Variants in CDH23 observed in about 807,000 individuals in gnomAD.
CDH23 encodes cadherin-23.
Under a neutral mutation model 317.1 loss-of-function variants are expected in CDH23, and 189 were observed. The ratio of observed to expected loss-of-function variants is 0.60; its 90% CI spans 0.53 to 0.67. The LOEUF (loss-of-function observed/expected upper bound fraction) is 0.67, where lower values mean the gene tolerates loss of function less well. Ranked by LOEUF, CDH23 falls within the 30% of genes least tolerant of loss-of-function variation. The pLI is 0.00. For missense variants in CDH23, 4,401 were observed against 4,592.4 expected, an observed-to-expected ratio of 0.96 and a Z score of 1.20; for synonymous variants, 1,839 against 1,876.8, an observed-to-expected ratio of 0.98 and a Z score of 0.52.
At chr10:71,533,164 C>T (rs1381755152) in intron 6 of CDH23, among the ~76,000 whole-genome samples, 3 of 151,980 alleles carry the variant, frequency 2.0e-5, no homozygotes, top group Non-Finnish European at 4.4e-5. Flanking sequence ...CTGCCTGCCC[C>T]GAAGGCGGCT....
intron 18 of CDH23, among the ~76,000 whole-genome samples, chr10:71,684,119 A>AC (rs370808016): frequency 1.3e-5 from 2 of 148,960 alleles, no homozygotes; most frequent in Non-Finnish European, 3.0e-5. Context: ...ACAAAAAAAA[A>AC]CGGCCTGACT....
chr10:71,743,337 C>G (rs984546690), intron 38 of CDH23, among the ~76,000 whole-genome samples: 4 of 152,182 alleles, frequency 2.6e-5, no homozygotes, highest in African/African-American at 9.7e-5. Context: ...GACCTCTCCC[C>G]TTTGACAGCA....
At chr10:71,412,504 T>G (rs932258293) in intron 1 of CDH23, among the ~76,000 whole-genome samples, 2 of 152,190 alleles carry the variant, frequency 1.3e-5, no homozygotes, top group Non-Finnish European at 2.9e-5. Context: ...ATGGTTGTCT[T>G]GCTGTGTTGA....
chr10:71,444,098 C>T (rs1034146869), intron 2 of CDH23, among the ~76,000 whole-genome samples: 19 of 152,264 alleles, frequency 1.2e-4, no homozygotes, highest in Non-Finnish European at 5.9e-5. Context: ...GGGCTGCGTC[C>T]TGCTCTCCTG....
chr10:71,563,708 C>A (rs2132348737), intron 6 of CDH23, among the ~76,000 whole-genome samples: 1 of 151,468 alleles, frequency 6.6e-6, no homozygotes, highest in African/African-American at 2.4e-5. Flanking sequence ...CTCTTTTTTT[C>A]ACACCTTATC....
chr10:71,648,465 G>T (rs1442604301), intron 14 of CDH23, among the ~76,000 whole-genome samples: 1 of 152,208 alleles, frequency 6.6e-6, no homozygotes, highest in Non-Finnish European at 1.5e-5. Flanking sequence ...CAGGCTTAGT[G>T]GGTGTCAGGG....
At chr10:71,784,695 C>T (rs565358251) in intron 42 of CDH23, among the ~76,000 whole-genome samples, 196 bp from the exon 43 acceptor site, 1 of 152,212 alleles carries the variant, frequency 6.6e-6, no homozygotes, top group Non-Finnish European at 1.5e-5. Context: ...CTGCTTCCCT[C>T]ATCATCCTCT....
chr10:71,550,331 C>T (rs979632179), intron 6 of CDH23, among the ~76,000 whole-genome samples: 2 of 151,884 alleles, frequency 1.3e-5, no homozygotes, highest in South Asian at 2.1e-4. Flanking sequence ...AGTCGGGGAT[C>T]GCTTGAGGCC....
chr10:71,544,401 C>A (rs374100335), intron 6 of CDH23, among the ~76,000 whole-genome samples: 2 of 152,160 alleles, frequency 1.3e-5, no homozygotes, highest in Non-Finnish European at 2.9e-5. Context: ...TTCCAATCAC[C>A]CCCAGCCTCA....
At chr10:71,713,211 G>T (rs753237116) in intron 28 of CDH23, 1 of 779,176 alleles carries the variant, frequency 1.3e-6, no homozygotes, top group East Asian at 2.4e-5. Flanking sequence ...GCCCTTGGCC[G>T]AGGCTCCCCT....
intron 1 of CDH23, among the ~76,000 whole-genome samples, chr10:71,423,504 A>T (rs934491565): frequency 8.5e-5 from 13 of 152,152 alleles, no homozygotes; most frequent in African/African-American, 2.7e-4. Context: ...TGAGGAGCAC[A>T]GTTTAGGGGG....
chr10:71,433,347 A>G (rs548653439), intron 1 of CDH23, among the ~76,000 whole-genome samples: 2 of 152,246 alleles, frequency 1.3e-5, no homozygotes, highest in African/African-American at 4.8e-5. Context: ...AGCTATGGCA[A>G]TTTCCTCAGC....
At chr10:71,804,356 A>G (rs1407889407) in intron 55 of CDH23, among the ~76,000 whole-genome samples, 3 of 152,212 alleles carry the variant, frequency 2.0e-5, no homozygotes, top group African/African-American at 7.2e-5. Context: ...CTAAATTGCC[A>G]TATAAAGATA....
chr10:71,755,668 A>G (rs917881142), intron 38 of CDH23, among the ~76,000 whole-genome samples: 1 of 152,096 alleles, frequency 6.6e-6, no homozygotes. Flanking sequence ...CTGCCGCCCT[A>G]TGCCCCTGGA....
At chr10:71,690,391 G>T in intron 19 of CDH23, 77 bp from the exon 20 acceptor site, 2 of 1,083,714 alleles carry the variant, frequency 1.8e-6, no homozygotes, top group Non-Finnish European at 2.7e-6. Context: ...CGCAAATGCT[G>T]CTCCCAGGGC....
intron 3 of CDH23, among the ~76,000 whole-genome samples, chr10:71,469,796 G>T (rs1010342982): frequency 4.2e-4 from 64 of 152,188 alleles, no homozygotes; most frequent in Non-Finnish European, 2.9e-5. Flanking sequence ...GTAGAGATGG[G>T]GTTTCCACAT....
intron 53 of CDH23, among the ~76,000 whole-genome samples, chr10:71,801,150 C>CTTTTTTTTTT (rs386371783): frequency 2.7e-5 from 2 of 73,980 alleles, no homozygotes; most frequent in African/African-American, 5.9e-5. Context: ...CTCTCTCTCT[C>CTTTTTTTTTT]TTTTTTTTTT....
At chr10:71,408,857 C>T (rs982199435) in intron 1 of CDH23, among the ~76,000 whole-genome samples, 1 of 152,174 alleles carries the variant, frequency 6.6e-6, no homozygotes, top group African/African-American at 2.4e-5. Flanking sequence ...TTTTTCCTTC[C>T]TACTTTCCTT....
At chr10:71,753,652 C>A (rs1589397938) in intron 38 of CDH23, among the ~76,000 whole-genome samples, 2 of 152,214 alleles carry the variant, frequency 1.3e-5, no homozygotes, top group Admixed American at 6.5e-5. Flanking sequence ...CCCCACCCCC[C>A]AAACTGGCCA....
Sources: allele counts gnomAD v4.1 joint callset (sites outside exome capture counted in the v4.1 genomes callset), GRCh38; gene constraint gnomAD v4.1.1; transcripts MANE v1.5; gene names NCBI Gene and HGNC (gene_info 2026-07-23, HGNC 2026-07-21).